Variants in SLC5A10 observed in about 807,000 individuals in gnomAD.
SLC5A10 encodes the protein solute carrier family 5 member 10.
Under a neutral mutation model 68.9 loss-of-function variants are expected in SLC5A10, and 55 were observed. That is an observed-to-expected ratio of 0.80 (90% confidence interval 0.64 to 1.00). SLC5A10 has a LOEUF of 1.00. Among genes scored for constraint, SLC5A10 ranks in the 50% least tolerant of loss-of-function variants. SLC5A10 has a pLI of 0.00. For missense variants in SLC5A10, 732 were observed against 819.3 expected, an observed-to-expected ratio of 0.89 and a Z score of 1.30; for synonymous variants, 344 against 344.8, an observed-to-expected ratio of 1.00 and a Z score of 0.02.
rs771745747 is a variant in SLC5A10 at position 18,971,413 on chromosome 17, G to A, written c.846+195G>A. Reference sequence around the variant, plus strand: ...GAGCCCTCCGTTTAGAATCCGATGAGGCCCACTGGCTACCGCCCGTCCTGG... The same window carrying A: ...GAGCCCTCCGTTTAGAATCCGATGAAGCCCACTGGCTACCGCCCGTCCTGG... On this transcript the variant is annotated intron_variant, in intron 8 of 14. Transcript: ENST00000395645. This position sits in a 1 kb window ranked among gnomAD's most constrained non-coding sequence, Gnocchi z 5.5. 5 of 1,613,796 alleles carry A rather than the reference G, an allele frequency of 3.1e-6. No homozygotes were observed. The African/African-American group carries it at 5.3e-5, about 17-fold the overall frequency.
At chr17:19,019,660 G>T in intron 12 of SLC5A10, 53 bp from the exon 13 acceptor site, 1 of 1,602,096 alleles carries the variant, frequency 6.2e-7, no homozygotes, top group Non-Finnish European at 8.5e-7. Flanking sequence ...CCTGTGGGGG[G>T]AGCCTTGGTC....
Position 18,958,662 on chromosome 17 carries a change from T to C in SLC5A10, c.112-20T>C. 3 of 1,613,626 alleles carry C rather than the reference T, an allele frequency of 1.9e-6. No individual in the cohort carries two copies. Among genetic ancestry groups the C allele is most frequent in the Non-Finnish European group, 2.5e-6 (3 of 1,179,554 alleles). ...GCAGTGTGCGGGCTTCCAACTCCTGTCCCTTTTCTCCTCTTGCAGTCCTCT... is the reference window on the plus strand; with the variant it reads ...GCAGTGTGCGGGCTTCCAACTCCTGCCCCTTTTCTCCTCTTGCAGTCCTCT... On this transcript the variant is annotated intron_variant, in intron 1 of 14. Coordinates refer to ENST00000395645, the MANE Select transcript of SLC5A10 (RefSeq NM_001042450.4).
chr17:18,995,490 T>C (rs2043542922), intron 9 of SLC5A10, among the ~76,000 whole-genome samples: 1 of 152,160 alleles, frequency 6.6e-6, no homozygotes, highest in Non-Finnish European at 1.5e-5. Context: ...TGGGTCAACT[T>C]CAAGCCATCC....
intron 1 of SLC5A10, among the ~76,000 whole-genome samples, chr17:18,956,372 A>G (rs2151990877): frequency 6.6e-6 from 1 of 150,760 alleles, no homozygotes; most frequent in African/African-American, 2.4e-5. Flanking sequence ...ATCCAGCCTT[A>G]TGTATGTTCT....
At chr17:19,009,551 C>T (rs558808578) in intron 9 of SLC5A10, among the ~76,000 whole-genome samples, 1 of 152,204 alleles carries the variant, frequency 6.6e-6, no homozygotes, top group Non-Finnish European at 1.5e-5. Context: ...GGTCTGGGAG[C>T]CTTTCTCCTG....
intron 8 of SLC5A10, among the ~76,000 whole-genome samples, chr17:18,973,250 G>A (rs1348178730): frequency 6.6e-6 from 1 of 152,250 alleles, no homozygotes; most frequent in Non-Finnish European, 1.5e-5. Context: ...TCTCTGGGTG[G>A]AACATCAGTC....
In SLC5A10 at chr17:18,969,046, C is replaced by T. The variant is rs1250051354; in HGVS notation, c.454-6C>T. 1.2e-6 allele frequency: 2 copies of T among 1,611,356 alleles called. No homozygotes were observed. The highest frequency in any genetic ancestry group is 2.2e-5 in the East Asian group (1 of 44,860). ...CAGTCCCACACAAGGCTCTCTCCCT[C>T]CGCAGCTGGACCTGTACGCGGGGGC... is the stretch of plus-strand genomic sequence containing the variant. On this transcript the variant is annotated splice_region_variant and splice_polypyrimidine_tract_variant and intron_variant, in intron 5 of 14. Transcript: ENST00000395645.
At chr17:18,984,268 G>A (rs1025466459) in intron 9 of SLC5A10, among the ~76,000 whole-genome samples, 9 of 150,552 alleles carry the variant, frequency 6.0e-5, no homozygotes, top group African/African-American at 2.2e-4. Flanking sequence ...CACGAACCCG[G>A]GAGGCAGAGC....
chr17:18,961,757 G>A (rs1020924413), intron 5 of SLC5A10, among the ~76,000 whole-genome samples: 10 of 152,074 alleles, frequency 6.6e-5, no homozygotes, highest in East Asian at 1.9e-4. Context: ...ACGGGGCCCC[G>A]GTGGGGGTCT....
intron 10 of SLC5A10, among the ~76,000 whole-genome samples, chr17:19,013,726 GAC>G (rs2044071727): frequency 6.7e-6 from 1 of 149,598 alleles, no homozygotes; most frequent in South Asian, 2.1e-4. Context: ...TAAACATAAT[GAC>G]ACAGGGAAAA....
intron 9 of SLC5A10, among the ~76,000 whole-genome samples, chr17:18,982,486 C>T (rs1031589028): frequency 2.6e-5 from 4 of 152,232 alleles, no homozygotes; most frequent in Admixed American, 6.5e-5. Context: ...GGAGGGATGC[C>T]GGGGCTGGCC....
chr17:18,965,926 C>T (rs1337544466), intron 5 of SLC5A10, among the ~76,000 whole-genome samples: 2 of 152,194 alleles, frequency 1.3e-5, no homozygotes, highest in Non-Finnish European at 2.9e-5. Flanking sequence ...TGCCCAGGTG[C>T]CCCCCACTGT....
chr17:18,953,824 A>G (rs1376967699), intron 1 of SLC5A10: 1 of 152,654 alleles, frequency 6.6e-6, no homozygotes, highest in Non-Finnish European at 1.5e-5. Flanking sequence ...TGGGTTGGGG[A>G]TGTTCAACTG....
chr17:18,960,542 T>C lies in SLC5A10; in HGVS notation c.349-6T>C. On this transcript the variant is annotated splice_region_variant and splice_polypyrimidine_tract_variant and intron_variant, in intron 4 of 14. Coordinates refer to ENST00000395645, the MANE Select transcript of SLC5A10 (RefSeq NM_001042450.4). ...ATGCTTAGCCCCTACCCATGTGCCT[T>C]CCCAGATCGTCACCTTACCTGAGTA... 1 of 1,613,848 alleles carries C rather than the reference T, an allele frequency of 6.2e-7. No homozygotes were observed. Among genetic ancestry groups the C allele is most frequent in the Non-Finnish European group, 8.5e-7 (1 of 1,179,790 alleles).
In SLC5A10 at chr17:19,013,647, G is replaced by A; in HGVS notation, c.1090+130G>A. 2.0e-5 allele frequency: 3 copies of A among 149,074 alleles called. 1 individual carries two copies. Among genetic ancestry groups the A allele is most frequent in the Non-Finnish European group, 3.7e-5 (3 of 80,244 alleles). 9.2% of individuals were successfully genotyped at this position (149,074 alleles called of 1,614,324 possible). On this transcript the variant is annotated intron_variant, in intron 10 of 14. Transcript: ENST00000395645. ...GGGGCATGTCACTTCCCTGCTTGGA[G>A]CCTGGGTGTCCTCATTTGTAAATTG...
Position 19,017,284 on chromosome 17 carries a change from C to T in SLC5A10, c.1241+2085C>T, listed in dbSNP as rs1172072993. 6.4e-7 allele frequency: 1 copy of T among 1,551,826 alleles called. No homozygotes were observed. Among genetic ancestry groups the T allele is most frequent in the Non-Finnish European group, 8.7e-7 (1 of 1,146,914 alleles). ...GCTCAACTTCCCGTCCCTCTTACAGCACTGGGATACCCTCAACACCCCCAG... is the reference window on the plus strand; with the variant it reads ...GCTCAACTTCCCGTCCCTCTTACAGTACTGGGATACCCTCAACACCCCCAG... On this transcript the variant is annotated intron_variant, in intron 11 of 14. Coordinates refer to ENST00000395645, the MANE Select transcript of SLC5A10 (RefSeq NM_001042450.4). This position sits in a 1 kb window ranked among gnomAD's most constrained non-coding sequence, Gnocchi z 5.6.
Position 18,952,241 on chromosome 17 carries a change from C to T in SLC5A10, c.36C>T (p.Pro12=), listed in dbSNP as rs371272132. The change falls in exon 1 of 15, where the codon CCC becomes CCT. Residue 12 remains proline, a synonymous_variant. Transcript: ENST00000395645. ...ACTCCACCAGCGACCTCCACACTCC[C>T]GGGACGCAGCTGAGCGTGGCTGACA... is the stretch of plus-strand genomic sequence containing the variant. ...AANSTSDLHT[P]GTQLSVADII... The T allele has an allele frequency of 8.2e-5, 133 of 1,613,718 alleles. 1 individual carries two copies. The highest frequency in any genetic ancestry group is 7.6e-4 in the South Asian group (69 of 91,024).
chr17:18,959,023 G>T (rs1376344282), intron 2 of SLC5A10, 112 bp from the exon 3 acceptor site: 2 of 1,053,002 alleles, frequency 1.9e-6, no homozygotes, highest in Non-Finnish European at 2.7e-6. Flanking sequence ...CATCCGTGAG[G>T]TGGGGCTAGG....
intron 9 of SLC5A10, among the ~76,000 whole-genome samples, chr17:18,989,488 A>G (rs2043356822): frequency 6.6e-6 from 1 of 152,236 alleles, no homozygotes; most frequent in Admixed American, 6.5e-5. Context: ...AAACTCCAGC[A>G]GAGGGGAGGG....
Sources: gnomAD v4.1 joint callset for allele counts (sites outside exome capture counted in the v4.1 genomes callset) on GRCh38, gnomAD v4.1.1 for gene constraint, Gnocchi (gnomAD v3.1) non-coding constraint, MANE v1.5 for transcripts, NCBI Gene and HGNC (gene_info 2026-07-23, HGNC 2026-07-21) for gene names.